AHSA1: variants seen among roughly 807,000 people sequenced by gnomAD.
AHSA1 encodes the protein activator of HSP90 ATPase activity 1, also known as activator of 90 kDa heat shock protein ATPase homolog 1.
AHSA1 carries 14 observed loss-of-function variants against 46.1 expected under a neutral mutation model. The observed-to-expected ratio is 0.30, with a 90% CI of 0.20 to 0.47. The LOEUF is 0.47. Among genes scored for constraint, AHSA1 ranks in the 20% least tolerant of loss-of-function variants. The pLI is 0.99. For missense variants in AHSA1, 333 were observed against 415.9 expected (o/e 0.80, Z 1.73); for synonymous variants, 147 against 145.8 (o/e 1.01, Z -0.06).
chr14:77,461,329 G>A (rs1383709236), intron 2 of AHSA1, among the ~76,000 whole-genome samples: 1 of 152,114 alleles, frequency 6.6e-6, no homozygotes, highest in African/African-American at 2.4e-5. Flanking sequence ...AGGAATTGGA[G>A]ACACACCTGG....
Position 77,458,135 on chromosome 14 carries a change from C to A in AHSA1, c.-55C>A. 1 of 1,478,132 alleles carries A rather than the reference C, an allele frequency of 6.8e-7. No individual in the cohort carries two copies. Among genetic ancestry groups the A allele is most frequent in the South Asian group, 1.3e-5 (1 of 77,238 alleles). The allele number at this position is 1,478,132 out of a possible 1,614,324, so 91.6% of individuals were successfully genotyped here. On this transcript the variant is annotated 5_prime_UTR_variant, in exon 1 of 9. In the 5' UTR this introduces an upstream ATG that the reference lacks. Transcript: ENST00000216479. ...GCCGGGCGGCTGGCACTAAGCGGTC[C>A]TGAGGCTGTGGCTACGGCTGCTCCG... is the stretch of plus-strand genomic sequence containing the variant.
Position 77,465,474 on chromosome 14 carries a change from G to C in AHSA1, c.562-65G>C, listed in dbSNP as rs1483003787. ...GAGAATGAATGGTACAACTGTCTCT[G>C]AAGCCACGTTGATTGAGGTTGTATC... is the stretch of plus-strand genomic sequence containing the variant. On this transcript the variant is annotated intron_variant, in intron 5 of 8. Coordinates refer to ENST00000216479, the MANE Select transcript of AHSA1 (RefSeq NM_012111.3). 9.6e-6 allele frequency: 15 copies of C among 1,561,076 alleles called. 1 individual carries two copies. In the South Asian group the frequency reaches 1.6e-4, roughly 17 times the overall value.
At chr14:77,459,577 G>A in intron 1 of AHSA1, 39 bp from the exon 2 acceptor site, 1 of 1,607,918 alleles carries the variant, frequency 6.2e-7, no homozygotes, top group Non-Finnish European at 8.5e-7. Context: ...CGTATCCTCC[G>A]TTTGACTGCT....
At chr14:77,458,086 C>G (rs916446612), upstream of AHSA1, 4 of 1,030,566 alleles carry the variant, frequency 3.9e-6, no homozygotes, top group African/African-American at 5.1e-5. Flanking sequence ...TGCTTGCGGC[C>G]GCTTCTAGTA....
intron 2 of AHSA1, among the ~76,000 whole-genome samples, chr14:77,461,196 T>C (rs975670842): frequency 2.6e-5 from 4 of 151,654 alleles, no homozygotes; most frequent in African/African-American, 7.3e-5. Flanking sequence ...ACAATAAATA[T>C]GGTGCTTTAC....
At chr14:77,462,585 T>G in intron 3 of AHSA1, 57 bp from the exon 4 acceptor site, 1 of 1,511,396 alleles carries the variant, frequency 6.6e-7, no homozygotes. Flanking sequence ...GCCCCCACAT[T>G]CCATAATGAG....
chr14:77,466,449 T>C (rs1325736952), intron 6 of AHSA1: 2 of 152,614 alleles, frequency 1.3e-5, no homozygotes, highest in Non-Finnish European at 2.9e-5. Context: ...GTATTCAGCT[T>C]TATTATCTGA....
upstream of AHSA1, chr14:77,458,009 C>A: frequency 1.9e-6 from 1 of 537,506 alleles, no homozygotes; most frequent in South Asian, 2.5e-5. Context: ...CGGAAGTAAC[C>A]GGTGGGAGTG....
intron 5 of AHSA1, 76 bp from the exon 6 acceptor site, chr14:77,465,463 C>A (rs2079043816): frequency 2.0e-6 from 3 of 1,518,066 alleles, no homozygotes; most frequent in South Asian, 1.2e-5. Flanking sequence ...ATGAATGGTA[C>A]AACTGTCTCT....
At chr14:77,465,123 G>A (rs892071081) in intron 5 of AHSA1, among the ~76,000 whole-genome samples, 5 of 152,206 alleles carry the variant, frequency 3.3e-5, no homozygotes, top group African/African-American at 1.2e-4. Flanking sequence ...TCTAGAGATG[G>A]AAGTTTGTGG....
In AHSA1 at chr14:77,469,120, A is replaced by G; in HGVS notation, c.888A>G (p.Gly296=). 6.2e-7 allele frequency: 1 copy of G among 1,614,176 alleles called. No homozygotes were observed. Among genetic ancestry groups the G allele is most frequent in the African/African-American group, 1.3e-5 (1 of 75,044 alleles). ...CCTTGACCTTCATCGACAAGAACGGAGAGACTGAGCTGTGCATGGAAGGTC... is the reference window on the plus strand; with the variant it reads ...CCTTGACCTTCATCGACAAGAACGGGGAGACTGAGCTGTGCATGGAAGGTC... ...TITLTFIDKN[G]ETELCMEGRG... Residue 296 remains glycine, a synonymous_variant, in exon 9 of 9, where the codon GGA becomes GGG. Coordinates refer to ENST00000216479, the MANE Select transcript of AHSA1 (RefSeq NM_012111.3).
At chr14:77,459,951 G>C (rs750118086) in intron 2 of AHSA1, 145 bp downstream of exon 2, 41 of 857,678 alleles carry the variant, frequency 4.8e-5, no homozygotes, top group Non-Finnish European at 6.8e-5. Flanking sequence ...AAGCAGTATC[G>C]AGTCCTGGAA....
chr14:77,462,619 C>T (rs750327089), intron 3 of AHSA1, 23 bp from the exon 4 acceptor site: 1 of 1,609,006 alleles, frequency 6.2e-7, no homozygotes, highest in South Asian at 1.1e-5. Flanking sequence ...TTATTTACCA[C>T]CTACTTCTCA....
At chr14:77,464,164 G>T (rs1399293629) in intron 4 of AHSA1, among the ~76,000 whole-genome samples, 1 of 152,110 alleles carries the variant, frequency 6.6e-6, no homozygotes, top group Non-Finnish European at 1.5e-5. Context: ...AGATCACAAG[G>T]TCAGGAGATC....
At chr14:77,463,606 A>C (rs1360201609) in intron 4 of AHSA1, among the ~76,000 whole-genome samples, 1 of 147,086 alleles carries the variant, frequency 6.8e-6, no homozygotes, top group East Asian at 2.1e-4. Flanking sequence ...AAAACAAAAA[A>C]AAAACTGTAT....
intron 2 of AHSA1, chr14:77,460,266 G>A (rs1328511443): frequency 5.0e-6 from 1 of 199,934 alleles, no homozygotes; most frequent in Non-Finnish European, 1.0e-5. Context: ...CTAGTTTTAT[G>A]TCCCTTGTGT....
At chr14:77,462,818 G>C (rs965249655) in intron 4 of AHSA1, 59 bp downstream of exon 4, 15 of 1,440,574 alleles carry the variant, frequency 1.0e-5, no homozygotes, top group Non-Finnish European at 1.1e-5. Context: ...TTAGACTCTG[G>C]TTAAGGGCCT....
In AHSA1 at chr14:77,469,333, C is replaced by T. The variant is rs978577635; in HGVS notation, c.*84C>T. 12 of 1,519,876 alleles carry T rather than the reference C, an allele frequency of 7.9e-6. No homozygotes were observed. The African/African-American group carries it at 1.1e-4, about 14-fold the overall frequency. 94.1% of individuals were successfully genotyped at this position (1,519,876 alleles called of 1,614,324 possible). Reference sequence around the variant, plus strand: ...GGGCTTGCGACTCACAGGATTGCATCGTCCCAGCTGCTAACTTGGGGCCGG... The same window carrying T: ...GGGCTTGCGACTCACAGGATTGCATTGTCCCAGCTGCTAACTTGGGGCCGG... On this transcript the variant is annotated 3_prime_UTR_variant, in exon 9 of 9. Transcript: ENST00000216479.
chr14:77,460,843 T>A (rs1263851385), intron 2 of AHSA1, among the ~76,000 whole-genome samples: 1 of 152,032 alleles, frequency 6.6e-6, no homozygotes, highest in African/African-American at 2.4e-5. Context: ...AGCATAGTTT[T>A]GTGCACATTA....
Sources: gnomAD v4.1 joint callset for allele counts (sites outside exome capture counted in the v4.1 genomes callset) on GRCh38, gnomAD v4.1.1 for gene constraint, MANE v1.5 for transcripts, NCBI Gene and HGNC (gene_info 2026-07-23, HGNC 2026-07-21) for gene names.